The following KCNQ1 variants were observed in gnomAD, a reference collection of about 807,000 sequenced individuals.
The protein encoded by KCNQ1 is potassium voltage-gated channel subfamily KQT member 1.
A neutral mutation model predicts 72.4 loss-of-function variants in KCNQ1; 49 were observed. The ratio of observed to expected loss-of-function variants is 0.68; its 90% CI spans 0.54 to 0.86. KCNQ1 has a LOEUF of 0.86. Ranked by LOEUF, KCNQ1 falls within the 40% of genes least tolerant of loss-of-function variation. KCNQ1 has a pLI of 0.00. For synonymous variants in KCNQ1, 450 were observed against 412.6 expected, an observed-to-expected ratio of 1.09 and a Z score of -1.10; for missense variants, 790 against 945.1, an observed-to-expected ratio of 0.84 and a Z score of 2.15.
rs891043709 is a variant in KCNQ1, at chr11:2,691,970, T to C, written c.1514+29889T>C. The stretch of plus-strand genomic sequence containing the variant: ...CACTAAATGCCAGTGCCTTTCTCTA[T>C]GCAAACCATTTCCCTAAGCTGTTCC... On this transcript the variant is annotated intron_variant, in intron 11 of 15. Coordinates refer to ENST00000155840, the MANE Select transcript of KCNQ1 (RefSeq NM_000218.3). The surrounding 1 kb of genome is among the most constrained non-coding windows in gnomAD (Gnocchi z 6.4). The C allele has an allele frequency of 5.0e-6, 2 of 398,522 alleles. No individual in the cohort carries two copies. Among genetic ancestry groups the C allele is most frequent in the Non-Finnish European group, 8.8e-6 (2 of 226,096 alleles). The allele number at this position is 398,522 out of a possible 1,614,324, so 24.7% of individuals were successfully genotyped here. A position where few individuals can be genotyped will look rare whatever the true frequency, so the allele number is the denominator to read the frequency against.
At position 2,491,898 on chromosome 11, in the gene KCNQ1, A is replaced by G. The variant is rs1272240928; in HGVS notation, c.387-36030A>G. 6.6e-6 allele frequency among the ~76,000 whole-genome samples: 1 copy of G among 152,208 alleles called. No homozygotes were observed. Among genetic ancestry groups the G allele is most frequent in the Non-Finnish European group, 1.5e-5 (1 of 68,044 alleles). ...GTTTTCAATGGAAACTTTATGGGCCAGAAGAGAGTGGCAGGACATATTTAA... is the reference window on the plus strand; with the variant it reads ...GTTTTCAATGGAAACTTTATGGGCCGGAAGAGAGTGGCAGGACATATTTAA... On this transcript the variant is annotated intron_variant, in intron 1 of 15. Transcript: ENST00000155840. This position sits in a 1 kb window ranked among gnomAD's most constrained non-coding sequence, Gnocchi z 4.1.
Position 2,536,744 on chromosome 11 carries a change from C to A in KCNQ1, c.477+8726C>A, listed in dbSNP as rs776096341. Among the ~76,000 whole-genome samples, 1 of 152,106 alleles carries A rather than the reference C, an allele frequency of 6.6e-6. No individual in the cohort carries two copies. The highest frequency in any genetic ancestry group is 1.5e-5 in the Non-Finnish European group (1 of 68,018). ...CTCCAGCCACGTGGGTCGCGAGAGT[C>A]GACCTGGGCTGCGTGATGGGGGACC... On this transcript the variant is annotated intron_variant, in intron 2 of 15. Coordinates refer to ENST00000155840, the MANE Select transcript of KCNQ1 (RefSeq NM_000218.3). The surrounding 1 kb of genome is among the most constrained non-coding windows in gnomAD (Gnocchi z 7.4).
chr11:2,843,862 C>T lies in KCNQ1; in HGVS notation c.1795-3905C>T, dbSNP rs185174336. ...TGGTTATTAATTTGGTGAGTGCAGG[C>T]CGGGCACAAAGCAGCTTTTGTCTGC... On this transcript the variant is annotated intron_variant, in intron 15 of 15. Transcript: ENST00000155840. Among the ~76,000 whole-genome samples, 8 of 152,314 alleles carry T rather than the reference C, an allele frequency of 5.3e-5. No homozygotes were observed. The East Asian group carries it at 1.5e-3, about 29-fold the overall frequency.
In KCNQ1 at chr11:2,620,212, T is replaced by TATA. The variant is rs749794052; in HGVS notation, c.1393+31358_1393+31359insATA. On this transcript the variant is annotated intron_variant, in intron 10 of 15. Coordinates refer to ENST00000155840, the MANE Select transcript of KCNQ1 (RefSeq NM_000218.3). The surrounding 1 kb of genome is among the most constrained non-coding windows in gnomAD (Gnocchi z 4.5). Reference sequence around the variant, plus strand: ...AAGTTCATTCATGTATATATATATATTTTTTTTTTTTATTTTTTTTTTAGA... The same window carrying TATA: ...AAGTTCATTCATGTATATATATATATATATTTTTTTTTTTATTTTTTTTTTAGA... 5.5e-3 allele frequency: 1,108 copies of TATA among 202,084 alleles called. 10 individuals are homozygous for TATA. The highest frequency in any genetic ancestry group is 0.024 in the African/African-American group (766 of 31,418). 12.5% of individuals were successfully genotyped at this position (202,084 alleles called of 1,614,324 possible).
chr11:2,583,394 C>G (rs774713514), intron 6 of KCNQ1, 41 bp from the exon 7 acceptor site: 4 of 1,435,354 alleles, frequency 2.8e-6, no homozygotes, highest in Non-Finnish European at 3.9e-6. Flanking sequence ...TCCCGAGGCT[C>G]CAGTCCCATC....
intron 11 of KCNQ1, among the ~76,000 whole-genome samples, chr11:2,756,604 T>G (rs1490654889): frequency 1.3e-5 from 2 of 151,894 alleles, no homozygotes; most frequent in Non-Finnish European, 2.9e-5. Context: ...GGTCCAGCAT[T>G]TATTTTGTGT....
In KCNQ1 at chr11:2,486,221, GT is replaced by G. The variant is rs1846738421; in HGVS notation, c.386+40741del. Reference sequence around the variant, plus strand: ...GGGTGTGCAGTGGTATCTCATTATAGTTTTGATTTACATTTTCTTATGAGTA... The same window carrying G: ...GGGTGTGCAGTGGTATCTCATTATAGTTTGATTTACATTTTCTTATGAGTA... On this transcript the variant is annotated intron_variant, in intron 1 of 15. Transcript: ENST00000155840. This position sits in a 1 kb window ranked among gnomAD's most constrained non-coding sequence, Gnocchi z 5.0. Among the ~76,000 whole-genome samples the G allele has an allele frequency of 6.6e-6, 1 of 152,080 alleles. No homozygotes were observed. The highest frequency in any genetic ancestry group is 1.5e-5 in the Non-Finnish European group (1 of 68,020).
chr11:2,618,989 G>A (rs1365386875), intron 10 of KCNQ1: 5 of 398,210 alleles, frequency 1.3e-5, no homozygotes, highest in African/African-American at 8.2e-5. Flanking sequence ...CATTATTTGT[G>A]TATAGAAATG....
Position 2,748,468 on chromosome 11 carries a change from T to C in KCNQ1, c.1515-20376T>C, listed in dbSNP as rs1846172580. Among the ~76,000 whole-genome samples, 1 of 152,138 alleles carries C rather than the reference T, an allele frequency of 6.6e-6. No homozygotes were observed. The highest frequency in any genetic ancestry group is 1.5e-5 in the Non-Finnish European group (1 of 68,006). On this transcript the variant is annotated intron_variant, in intron 11 of 15. Coordinates refer to ENST00000155840, the MANE Select transcript of KCNQ1 (RefSeq NM_000218.3). This position sits in a 1 kb window ranked among gnomAD's most constrained non-coding sequence, Gnocchi z 6.2. Reference sequence around the variant, plus strand: ...CTCCCCAGGCAGGGCCCTCAGCACCTGATGCCAAACCAGGCTCCACTCTTC... The same window carrying C: ...CTCCCCAGGCAGGGCCCTCAGCACCCGATGCCAAACCAGGCTCCACTCTTC...
Position 2,492,217 on chromosome 11 carries a change from A to G in KCNQ1, c.387-35711A>G, listed in dbSNP as rs1355470216. ...TAATTATGGTGTGTAAACTACTCAT[A>G]TATTAAGTAGAAGGATGAAAAGAAG... On this transcript the variant is annotated intron_variant, in intron 1 of 15. Coordinates refer to ENST00000155840, the MANE Select transcript of KCNQ1 (RefSeq NM_000218.3). The surrounding 1 kb of genome is among the most constrained non-coding windows in gnomAD (Gnocchi z 4.1). Among the ~76,000 whole-genome samples, 1 of 152,148 alleles carries G rather than the reference A, an allele frequency of 6.6e-6. No individual in the cohort carries two copies. The highest frequency in any genetic ancestry group is 1.5e-5 in the Non-Finnish European group (1 of 68,042).
intron 2 of KCNQ1, among the ~76,000 whole-genome samples, chr11:2,535,943 G>A (rs956813847): frequency 2.6e-5 from 4 of 152,224 alleles, no homozygotes; most frequent in African/African-American, 9.6e-5. Context: ...GCTGGGGGCA[G>A]GGGCGCTGCT....
chr11:2,661,645 T>C lies in KCNQ1; in HGVS notation c.1394-316T>C. The stretch of plus-strand genomic sequence containing the variant: ...TTTTATTCTTGACCCAAGTGTCAGT[T>C]GTGAACATGGGAAGAGGCCCAGAAC... On this transcript the variant is annotated intron_variant, in intron 10 of 15. Transcript: ENST00000155840. This position sits in a 1 kb window ranked among gnomAD's most constrained non-coding sequence, Gnocchi z 5.9. 1 of 594,938 alleles carries C rather than the reference T, an allele frequency of 1.7e-6. No individual in the cohort carries two copies. The highest frequency in any genetic ancestry group is 3.0e-6 in the Non-Finnish European group (1 of 333,860). The allele number at this position is 594,938 out of a possible 1,614,324, so 36.9% of individuals were successfully genotyped here.
intron 11 of KCNQ1, among the ~76,000 whole-genome samples, chr11:2,717,127 C>T (rs1005209589): frequency 5.3e-5 from 8 of 152,330 alleles, no homozygotes; most frequent in East Asian, 1.9e-4. Flanking sequence ...TGCAGACAAC[C>T]CAAGTCTTCC....
intron 10 of KCNQ1, chr11:2,650,691 T>G (rs1246116675): frequency 7.5e-6 from 3 of 398,538 alleles, no homozygotes; most frequent in Non-Finnish European, 1.3e-5. Flanking sequence ...TGATTCTGTA[T>G]GCAGTTTTGC....
intron 1 of KCNQ1, among the ~76,000 whole-genome samples, chr11:2,513,157 T>C (rs1369603786): frequency 6.6e-6 from 1 of 152,124 alleles, no homozygotes; most frequent in Non-Finnish European, 1.5e-5. Flanking sequence ...CTGTGTGATG[T>C]GAGTGCAGGG....
At chr11:2,662,378 G>T in intron 11 of KCNQ1, 3 of 459,500 alleles carry the variant, frequency 6.5e-6, no homozygotes, top group Non-Finnish European at 1.2e-5. Context: ...CTCTCCCCCA[G>T]CCCCCTCCCC....
At chr11:2,591,357 C>T (rs1848667951) in intron 10 of KCNQ1, among the ~76,000 whole-genome samples, 2 of 152,216 alleles carry the variant, frequency 1.3e-5, no homozygotes, top group Admixed American at 1.3e-4. Context: ...CCAGGCTCCC[C>T]AGGACTTAGA....
At chr11:2,628,819 A>G (rs1849304580) in intron 10 of KCNQ1, 1 of 398,004 alleles carries the variant, frequency 2.5e-6, no homozygotes. Context: ...TTCCAATTTA[A>G]TTTTTTTGCA....
rs1354616904 is a variant in KCNQ1, at chr11:2,538,295, CTT to C, written c.477+10278_477+10279del. 6.6e-6 allele frequency among the ~76,000 whole-genome samples: 1 copy of C among 152,168 alleles called. No homozygotes were observed. Among genetic ancestry groups the C allele is most frequent in the African/African-American group, 2.4e-5 (1 of 41,440 alleles). ...CCGGCCTTCCCTTCTTGGTCTCTCT[CTT>C]GGGCAGGGAAGGGCGGTGGACATGG... On this transcript the variant is annotated intron_variant, in intron 2 of 15. Coordinates refer to ENST00000155840, the MANE Select transcript of KCNQ1 (RefSeq NM_000218.3). This position sits in a 1 kb window ranked among gnomAD's most constrained non-coding sequence, Gnocchi z 6.7.
Sources: allele counts gnomAD v4.1 joint callset (sites outside exome capture counted in the v4.1 genomes callset), GRCh38; gene constraint gnomAD v4.1.1; non-coding constraint Gnocchi (gnomAD v3.1); transcripts MANE v1.5; gene names NCBI Gene and HGNC (gene_info 2026-07-23, HGNC 2026-07-21).